Variants in FLNA observed in about 807,000 individuals in gnomAD.
FLNA encodes filamin A, also known as filamin-A.
FLNA carries 7 observed loss-of-function variants against 157.6 expected under a neutral mutation model. The ratio of observed to expected loss-of-function variants is 0.04; its 90% CI spans 0.03 to 0.08. The LOEUF is 0.08. FLNA is among the 10% of genes least tolerant of loss of function. The pLI, the probability that FLNA is intolerant of heterozygous loss-of-function variation, is 1.00. For synonymous variants in FLNA, 1,103 were observed against 1,060.8 expected, an observed-to-expected ratio of 1.04 and a Z score of -0.77; for missense variants, 1,750 against 2,398.4, an observed-to-expected ratio of 0.73 and a Z score of 5.65.
At position 154,371,938 on chromosome X, in the gene FLNA, G is replaced by C. The variant is rs1003972996; in HGVS notation, c.-116-577C>G. On this transcript the variant is annotated intron_variant, in intron 1 of 47. Transcript: ENST00000369850. ...CCAGGCACTGCCGAGGGCGCTTTGT[G>C]TGCTCATCACCTGGGAAGCGGCTGC... Among the ~76,000 whole-genome samples the C allele has an allele frequency of 2.6e-5, 3 of 113,765 alleles. No homozygotes were observed. The East Asian group carries it at 8.3e-4, about 32-fold the overall frequency.
rs782189345 is a variant in FLNA, at chrX:154,350,040, C to T, written c.7324G>A (p.Gly2442Ser). The change falls in exon 45 of 48, where the codon GGT (glycine) becomes AGT (serine). Residue 2442 changes from glycine (G) to serine (S), a missense_variant. Gly to Ser is a moderately conservative substitution (Grantham distance 56). This residue lies in a region of FLNA where 970 missense variants were observed against 1,302.6 expected (regional missense o/e 0.74). Coordinates refer to ENST00000369850, the MANE Select transcript of FLNA (RefSeq NM_001110556.2). ...GCACCGACAGACTTACCTGTGACAC[C>T]GCCTTCCAGACCTGCTCCGTAAGCA... ...VSAYGAGLEG[G>S]VTGNPAEFVV... The T allele has an allele frequency of 5.0e-6, 6 of 1,210,045 alleles. No individual in the cohort carries two copies. Among genetic ancestry groups the T allele is most frequent in the Middle Eastern group, 2.3e-4 (1 of 4,352 alleles).
Position 154,362,565 on chromosome X carries a change from G to A in FLNA, c.2418C>T (p.Ile806=), listed in dbSNP as rs1557178300. ...CCACTCCAGGGGCACACTTGATGCC[G>A]ATGCTGACGTCCCCTGCGGCGGGGA... The part of the protein sequence containing the change: ...CAEAGQGDVS[I]GIKCAPGVVG... The change falls in exon 17 of 48, where the codon ATC becomes ATT. Residue 806 remains isoleucine, a synonymous_variant. Coordinates refer to ENST00000369850, the MANE Select transcript of FLNA (RefSeq NM_001110556.2). 1.7e-6 allele frequency: 2 copies of A among 1,211,276 alleles called. No individual in the cohort carries two copies. Among genetic ancestry groups the A allele is most frequent in the African/African-American group, 1.7e-5 (1 of 57,952 alleles).
chrX:154,371,469 C>G, intron 1 of FLNA, 108 bp from the exon 2 acceptor site: 1 of 414,842 alleles, frequency 2.4e-6, no homozygotes, highest in South Asian at 3.6e-5. Context: ...GCCTGCCCCA[C>G]CCCGCCCCGC....
At chrX:154,357,404 G>A (rs2067670966) in intron 29 of FLNA, 30 bp downstream of exon 29, 6 of 1,199,515 alleles carry the variant, frequency 5.0e-6, no homozygotes, top group East Asian at 3.0e-5. Context: ...CGTGCCGAGC[G>A]CCGCAGCGGC....
chrX:154,371,362 C>T lies in FLNA; in HGVS notation c.-116-1G>A, dbSNP rs1483801403. On this transcript the variant is annotated splice_acceptor_variant, in intron 1 of 47. Coordinates refer to ENST00000369850, the MANE Select transcript of FLNA (RefSeq NM_001110556.2). LOFTEE classifies it low-confidence loss of function (5UTR_SPLICE). ...GGCGAGGCAGGGAGCAGAGGTTGCG[C>T]TGCGGAGAGAGCGAGCCCTTTAAAT... 1.1e-6 allele frequency: 1 copy of T among 943,903 alleles called. No homozygotes were observed. 77.8% of individuals were successfully genotyped at this position (943,903 alleles called of 1,213,427 possible). A position where few individuals can be genotyped will look rare whatever the true frequency, so the allele number is the denominator to read the frequency against.
intron 5 of FLNA, 111 bp downstream of exon 5, chrX:154,367,286 A>G: frequency 1.2e-6 from 1 of 863,342 alleles, no homozygotes; most frequent in Admixed American, 2.7e-5. Context: ...TGGCTTGATC[A>G]CCTAGCCGCC....
Position 154,353,434 on chromosome X carries a change from G to A in FLNA, c.5884C>T (p.His1962Tyr), listed in dbSNP as rs782660265. 5.8e-6 allele frequency: 7 copies of A among 1,210,409 alleles called. No homozygotes were observed. The East Asian group carries it at 2.1e-4, about 36-fold the overall frequency. Residue 1962 changes from histidine (H) to tyrosine (Y), a missense_variant, in exon 37 of 48, where the codon CAC becomes TAC. This residue lies in a region of FLNA where 970 missense variants were observed against 1,302.6 expected (regional missense o/e 0.74). Transcript: ENST00000369850. Reference sequence around the variant, plus strand: ...TCGGCAGCAGAGCCGACCTTTAGGTGGGACATACGCATGGAGTCGTCACCT... The same window carrying A: ...TCGGCAGCAGAGCCGACCTTTAGGTAGGACATACGCATGGAGTCGTCACCT... ...VTGDDSMRMS[H>Y]LKVGSAADIP... is the part of the protein sequence containing the mutation.
chrX:154,352,017 T>C lies in FLNA; in HGVS notation c.6774A>G (p.Glu2258=), dbSNP rs1557175900. ...CAGCTTCCCGGGTCCAGATACTGAATTCGGCTGTGGGAGAACAGTTTGTCC... is the reference window on the plus strand; with the variant it reads ...CAGCTTCCCGGGTCCAGATACTGAACTCGGCTGTGGGAGAACAGTTTGTCC... ...LERAEAGVPA[E]FSIWTREAGA... The change falls in exon 42 of 48, where the codon GAA becomes GAG. Residue 2258 remains glutamate, a synonymous_variant. Coordinates refer to ENST00000369850, the MANE Select transcript of FLNA (RefSeq NM_001110556.2). 2 of 1,211,462 alleles carry C rather than the reference T, an allele frequency of 1.7e-6. No individual in the cohort carries two copies. The highest frequency in any genetic ancestry group is 1.7e-5 in the African/African-American group (1 of 57,922).
intron 47 of FLNA, 112 bp downstream of exon 47, chrX:154,349,250 A>G: frequency 1.2e-6 from 1 of 863,174 alleles, no homozygotes. Context: ...AGGTGGCTCT[A>G]GAAGTGAAAG....
chrX:154,369,690 C>T (rs1557179991), intron 2 of FLNA, among the ~76,000 whole-genome samples: 2 of 112,031 alleles, frequency 1.8e-5, no homozygotes, highest in African/African-American at 6.5e-5. Context: ...GGGGTGTGGC[C>T]CGCCTCCCCA....
At position 154,360,069 on chromosome X, in the gene FLNA, G is replaced by A; in HGVS notation, c.3726C>T (p.Asn1242=). The A allele has an allele frequency of 8.3e-7, 1 of 1,211,501 alleles. No individual in the cohort carries two copies. Among genetic ancestry groups the A allele is most frequent in the Admixed American group, 2.2e-5 (1 of 46,166 alleles). The stretch of plus-strand genomic sequence containing the variant: ...GTTCCACCTGCAGCTTGCTGGGGAA[G>A]TTGGGCACGGGCTGGCCGCCGTACT... ...TIKYGGQPVP[N]FPSKLQVEPA... Residue 1242 remains asparagine, a synonymous_variant, in exon 22 of 48, where the codon AAC becomes AAT. Transcript: ENST00000369850.
In FLNA at chrX:154,359,423, G is replaced by C; in HGVS notation, c.4143-17C>G. 4 of 1,211,735 alleles carry C rather than the reference G, an allele frequency of 3.3e-6. No individual in the cohort carries two copies. In the East Asian group the frequency reaches 1.2e-4, roughly 36 times the overall value. ...CCAGCTCCCCTGGTCCAAACAGACA[G>C]CCGGTCATTCCTGGGGTTCCCAGGC... On this transcript the variant is annotated splice_polypyrimidine_tract_variant and intron_variant, in intron 24 of 47. Coordinates refer to ENST00000369850, the MANE Select transcript of FLNA (RefSeq NM_001110556.2).
chrX:154,352,571 G>C lies in FLNA; in HGVS notation c.6484C>G (p.Leu2162Val). ...SVANVGSHCD[L>V]SLKIPEISIQ... ...CCCCTACCAGGGATTTTCAGGCTGA[G>C]GTCACAATGACTACCAACGTTGGCC... Residue 2162 changes from leucine to valine, a missense_variant, in exon 40 of 48, where the codon CTC becomes GTC. Around this residue, in one of 5 missense-constraint regions of FLNA, gnomAD observed 970 missense variants for 1,302.6 expected, o/e 0.74. Coordinates refer to ENST00000369850, the MANE Select transcript of FLNA (RefSeq NM_001110556.2). 2.5e-6 allele frequency: 3 copies of C among 1,211,720 alleles called. No homozygotes were observed. Among genetic ancestry groups the C allele is most frequent in the Non-Finnish European group, 3.3e-6 (3 of 895,583 alleles).
chrX:154,353,313 A>G lies in FLNA; in HGVS notation c.6005T>C (p.Leu2002Pro). 1 of 1,211,728 alleles carries G rather than the reference A, an allele frequency of 8.3e-7. No individual in the cohort carries two copies. Among genetic ancestry groups the G allele is most frequent in the Non-Finnish European group, 1.1e-6 (1 of 895,535 alleles). The part of the protein sequence containing the change: ...GREEPCLLKR[L>P]RNGHVGISFV... ...CCGCTTACCCACGTGGCCATTACGC[A>G]GCCGCTTCAGCAAACAGGGCTCCTC... The change falls in exon 37 of 48, where the codon CTG (leucine) becomes CCG (proline). Residue 2002 changes from leucine to proline, a missense_variant. By Grantham distance (98) the Leu-to-Pro change is moderately conservative. This residue lies in a region of FLNA where 970 missense variants were observed against 1,302.6 expected (regional missense o/e 0.74). Transcript: ENST00000369850.
intron 2 of FLNA, among the ~76,000 whole-genome samples, chrX:154,369,332 GC>G (rs2067786304): frequency 8.9e-6 from 1 of 112,374 alleles, no homozygotes; most frequent in Admixed American, 9.3e-5. Context: ...TTCCCATCAG[GC>G]CCCCACCCCA....
At chrX:154,370,695 C>A (rs1339695126) in intron 2 of FLNA, among the ~76,000 whole-genome samples, 178 bp downstream of exon 2, 2 of 112,919 alleles carry the variant, frequency 1.8e-5, no homozygotes, top group African/African-American at 6.4e-5. Flanking sequence ...GCCCGGCCGG[C>A]CAGCCAGCCA....
rs372655073 is a variant in FLNA, at chrX:154,361,305, T to A, written c.3207+3A>T. On this transcript the variant is annotated splice_donor_region_variant and intron_variant, in intron 21 of 47. Coordinates refer to ENST00000369850, the MANE Select transcript of FLNA (RefSeq NM_001110556.2). ...CCCTTAGGGCCTCCCATACCCCAAT[T>A]ACCTTGCTAGGCTTGGTGGGGGCCA... The A allele has an allele frequency of 1.7e-6, 2 of 1,206,697 alleles. No individual in the cohort carries two copies. The highest frequency in any genetic ancestry group is 2.2e-6 in the Non-Finnish European group (2 of 894,507).
At chrX:154,350,275 G>T in intron 44 of FLNA, 68 bp from the exon 45 acceptor site, 1 of 1,027,589 alleles carries the variant, frequency 9.7e-7, no homozygotes, top group South Asian at 1.9e-5. Context: ...TGTCTGTGAG[G>T]AACAGCCTCA....
rs1221446175 is a variant in FLNA, at chrX:154,366,312, C to T, written c.1224G>A (p.Thr408=). 6 of 1,211,958 alleles carry T rather than the reference C, an allele frequency of 5.0e-6. No individual in the cohort carries two copies. The highest frequency in any genetic ancestry group is 2.3e-4 in the Middle Eastern group (1 of 4,356). ...GCCTTGGCAGCCTCCCCTCACCTGC[C>T]GTAAAGATCTCAAAGTAGGTGGTCT... ...ANKTTYFEIF[T]AGAGTGEVEV... Residue 408 remains threonine (T), a synonymous_variant, in exon 8 of 48, where the codon ACG becomes ACA. Transcript: ENST00000369850.
Sources: gnomAD v4.1 joint callset for allele counts (sites outside exome capture counted in the v4.1 genomes callset) on GRCh38, gnomAD v4.1.1 for gene constraint, gnomAD v4.1.1 regional missense constraint, MANE v1.5 for transcripts, NCBI Gene and HGNC (gene_info 2026-07-23, HGNC 2026-07-21) for gene names.